TCF12: variants seen among roughly 807,000 people sequenced by gnomAD.
TCF12 encodes the protein transcription factor 12, also known as DNA-binding protein HTF4.
Under a neutral mutation model 86.0 loss-of-function variants are expected in TCF12, and 45 were observed. The observed-to-expected ratio is 0.52, with a 90% CI of 0.41 to 0.67. The LOEUF is 0.67. Ranked by LOEUF, TCF12 falls within the 30% of genes least tolerant of loss-of-function variation. TCF12 has a pLI of 0.00. For synonymous variants in TCF12, 330 were observed against 299.6 expected (o/e 1.10, Z -1.05); for missense variants, 881 against 859.9 (o/e 1.02, Z -0.31).
chr15:57,004,077 A>G (rs190368219), intron 3 of TCF12, among the ~76,000 whole-genome samples: 6 of 152,104 alleles, frequency 3.9e-5, no homozygotes, highest in African/African-American at 1.4e-4. Flanking sequence ...TAATTTCTAT[A>G]AAGAGTGACT....
At chr15:57,265,662 C>CT (rs1335368109) in intron 18 of TCF12, among the ~76,000 whole-genome samples, 3 of 152,086 alleles carry the variant, frequency 2.0e-5, no homozygotes, top group Admixed American at 6.6e-5. Context: ...AGGGACTTAA[C>CT]TCTTATTTAT....
intron 3 of TCF12, among the ~76,000 whole-genome samples, chr15:56,985,980 G>A (rs1383366485): frequency 6.6e-6 from 1 of 152,072 alleles, no homozygotes; most frequent in Non-Finnish European, 1.5e-5. Context: ...AGGGAAGAGG[G>A]ATATTTTGAG....
chr15:57,122,073 C>G (rs1438760217), intron 5 of TCF12, among the ~76,000 whole-genome samples: 1 of 124,460 alleles, frequency 8.0e-6, no homozygotes, highest in Non-Finnish European at 1.7e-5. Context: ...ACTTTTCCTG[C>G]TTCTTATCTC....
At chr15:57,110,058 A>G (rs1173654181) in intron 5 of TCF12, among the ~76,000 whole-genome samples, 1 of 152,186 alleles carries the variant, frequency 6.6e-6, no homozygotes, top group African/African-American at 2.4e-5. Context: ...AAAAGTAAAA[A>G]TGACTCCTAA....
rs1555462795 is a variant in TCF12, at chr15:56,975,637, T to TTTG, written c.148+54541_148+54542insGTT. 7.2e-4 allele frequency among the ~76,000 whole-genome samples: 109 copies of TTTG among 151,710 alleles called. No homozygotes were observed. In the South Asian group the frequency reaches 0.02, roughly 28 times the overall value. On this transcript the variant is annotated intron_variant, in intron 3 of 20. Transcript: ENST00000333725. ...GCATATGCTAAAAACTAGGGGTTTT[T>TTTG]TTTGTTTGTTTGTTTTTTGTTTGTT...
Position 57,273,199 on chromosome 15 carries a change from A to G in TCF12, c.1915A>G (p.Thr639Ala). 6.2e-7 allele frequency: 1 copy of G among 1,614,182 alleles called. No homozygotes were observed. Among genetic ancestry groups the G allele is most frequent in the Non-Finnish European group, 8.5e-7 (1 of 1,180,030 alleles). Reference sequence around the variant, plus strand: ...TCACTTGAAGAGTGAAAAACCCCAAACAAAACTCCTTATTCTTCATCAAGC... The same window carrying G: ...TCACTTGAAGAGTGAAAAACCCCAAGCAAAACTCCTTATTCTTCATCAAGC... Reference protein sequence around the residue: ...QLHLKSEKPQTKLLILHQAVA... With the variant: ...QLHLKSEKPQAKLLILHQAVA... The change falls in exon 19 of 21, where the codon ACA becomes GCA. Residue 639 changes from threonine to alanine, a missense_variant. By Grantham distance (58) the Thr-to-Ala change is moderately conservative (BLOSUM62 0). Coordinates refer to ENST00000333725, the MANE Select transcript of TCF12 (RefSeq NM_207037.2).
intron 18 of TCF12, among the ~76,000 whole-genome samples, chr15:57,266,235 G>A (rs1473875703): frequency 6.6e-6 from 1 of 152,016 alleles, no homozygotes; most frequent in Non-Finnish European, 1.5e-5. Context: ...ATGCCACCAT[G>A]CCTGGCTAAT....
At chr15:57,148,027 C>T (rs1280878173) in intron 5 of TCF12, among the ~76,000 whole-genome samples, 2 of 151,714 alleles carry the variant, frequency 1.3e-5, no homozygotes, top group African/African-American at 2.4e-5. Context: ...TACAGGTGCA[C>T]GTCACCATGC....
At chr15:57,013,518 A>G (rs1160110167) in intron 3 of TCF12, among the ~76,000 whole-genome samples, 1 of 152,128 alleles carries the variant, frequency 6.6e-6, no homozygotes, top group East Asian at 1.9e-4. Context: ...ATGGGGTTTC[A>G]CCATGTTGGC....
At chr15:57,263,437 AAG>A (rs1220867609) in intron 18 of TCF12, among the ~76,000 whole-genome samples, 163 bp downstream of exon 18, 1 of 152,174 alleles carries the variant, frequency 6.6e-6, no homozygotes, top group African/African-American at 2.4e-5. Context: ...ATCTCTATAA[AAG>A]AGAAGTATAT....
At chr15:56,984,660 G>T (rs1226062705) in intron 3 of TCF12, among the ~76,000 whole-genome samples, 1 of 152,192 alleles carries the variant, frequency 6.6e-6, no homozygotes, top group East Asian at 1.9e-4. Context: ...AGCACCCAAA[G>T]AAGCCATTTT....
At chr15:57,040,818 A>G (rs2703586) in intron 3 of TCF12, among the ~76,000 whole-genome samples, 3,769 of 152,290 alleles carry the variant, frequency 0.025, 156 homozygotes, top group African/African-American at 0.086. Flanking sequence ...TACTCATAAT[A>G]TGGATGTGAA....
chr15:57,016,870 C>CA (rs2065181203), intron 3 of TCF12, among the ~76,000 whole-genome samples: 1 of 152,096 alleles, frequency 6.6e-6, no homozygotes, highest in South Asian at 2.1e-4. Flanking sequence ...CTCTCCAGAG[C>CA]AAAAGTCAGC....
intron 3 of TCF12, among the ~76,000 whole-genome samples, chr15:57,039,001 G>T (rs2066707098): frequency 6.6e-6 from 1 of 152,180 alleles, no homozygotes; most frequent in Admixed American, 6.5e-5. Flanking sequence ...TCCAAATGCT[G>T]TGATTTTTGT....
chr15:57,104,051 A>G (rs778487352), intron 5 of TCF12, among the ~76,000 whole-genome samples: 22 of 152,148 alleles, frequency 1.4e-4, no homozygotes, highest in Non-Finnish European at 2.5e-4. Flanking sequence ...GTATTTTGTG[A>G]TAGGATTTTC....
intron 20 of TCF12, among the ~76,000 whole-genome samples, chr15:57,285,951 A>G (rs79157829): frequency 6.6e-6 from 1 of 152,154 alleles, no homozygotes; most frequent in East Asian, 1.9e-4. Flanking sequence ...AAAAAACCTT[A>G]CCATACACAT....
intron 5 of TCF12, among the ~76,000 whole-genome samples, chr15:57,099,381 C>A (rs2049567276): frequency 6.6e-6 from 1 of 151,422 alleles, no homozygotes. Context: ...GGTAATCCGT[C>A]CTAGAATGAA....
At chr15:57,285,425 G>A (rs916277647) in intron 20 of TCF12, among the ~76,000 whole-genome samples, 1 of 152,184 alleles carries the variant, frequency 6.6e-6, no homozygotes, top group Non-Finnish European at 1.5e-5. Context: ...TATAGAATTT[G>A]TACTAATAGA....
chr15:57,034,132 C>T (rs1360391483), intron 3 of TCF12, among the ~76,000 whole-genome samples: 1 of 152,178 alleles, frequency 6.6e-6, no homozygotes, highest in Non-Finnish European at 1.5e-5. Flanking sequence ...CAAATGGCTT[C>T]TCTTTCCTTA....
Sources: gnomAD v4.1 joint callset for allele counts (sites outside exome capture counted in the v4.1 genomes callset) on GRCh38, gnomAD v4.1.1 for gene constraint, MANE v1.5 for transcripts, NCBI Gene and HGNC (gene_info 2026-07-23, HGNC 2026-07-21) for gene names.